ASIC2: variants seen among roughly 807,000 people sequenced by gnomAD.
ASIC2 encodes acid sensing ion channel subunit 2.
In ASIC2, 25 loss-of-function variants were observed where a neutral mutation model predicts 57.3. The observed-to-expected ratio is 0.44, with a 90% CI of 0.32 to 0.61. The LOEUF (loss-of-function observed/expected upper bound fraction) is 0.61, where lower values mean the gene tolerates loss of function less well. ASIC2 is among the 20% of genes least tolerant of loss of function. The pLI is 0.06. For synonymous variants in ASIC2, 319 were observed against 307.5 expected (o/e 1.04, Z -0.39); for missense variants, 641 against 738.1 (o/e 0.87, Z 1.52).
intron 1 of ASIC2, chr17:33,793,014 C>T (rs1006910248): frequency 6.6e-6 from 1 of 152,142 alleles, no homozygotes; most frequent in African/African-American, 2.4e-5. Flanking sequence ...TGTTTTAGTC[C>T]TACCTGTAGC....
At chr17:33,751,932 C>T (rs1382385757) in intron 1 of ASIC2, among the ~76,000 whole-genome samples, 2 of 22,422 alleles carry the variant, frequency 8.9e-5, no homozygotes, top group African/African-American at 2.0e-4. Flanking sequence ...CTTAGGGAAG[C>T]CGGGGGTGGG....
intron 1 of ASIC2, among the ~76,000 whole-genome samples, chr17:33,352,382 C>T (rs1027583988): frequency 1.3e-5 from 2 of 152,230 alleles, no homozygotes; most frequent in Admixed American, 1.3e-4. Context: ...CAGCCCATTA[C>T]CCCCCAAGGC....
intron 1 of ASIC2, among the ~76,000 whole-genome samples, chr17:33,276,833 TG>T (rs1418047194): frequency 6.6e-6 from 1 of 152,140 alleles, no homozygotes; most frequent in African/African-American, 2.4e-5. Context: ...CAGGACAAGG[TG>T]GGCTTTGAAC....
chr17:34,036,865 C>T (rs1353042417), intron 1 of ASIC2: 2 of 152,472 alleles, frequency 1.3e-5, no homozygotes, highest in African/African-American at 4.8e-5. Flanking sequence ...AAAACCCACA[C>T]ATCTCAGTAT....
At chr17:34,021,585 G>T (rs975305676) in intron 1 of ASIC2, among the ~76,000 whole-genome samples, 2 of 152,166 alleles carry the variant, frequency 1.3e-5, no homozygotes, top group South Asian at 2.1e-4. Flanking sequence ...GGAAACTCTT[G>T]TTCCCTTGAA....
chr17:33,146,978 T>C (rs1215138654), intron 1 of ASIC2, among the ~76,000 whole-genome samples: 1 of 152,254 alleles, frequency 6.6e-6, no homozygotes, highest in Non-Finnish European at 1.5e-5. Flanking sequence ...TATTTTTCAC[T>C]GCTGCTGTTT....
intron 1 of ASIC2, among the ~76,000 whole-genome samples, chr17:33,713,195 G>T (rs985832193): frequency 1.3e-5 from 2 of 152,202 alleles, no homozygotes; most frequent in Non-Finnish European, 1.5e-5. Flanking sequence ...TGAATACCAG[G>T]AGGCTGGTTT....
At chr17:33,491,815 C>T (rs1392688278) in intron 1 of ASIC2, among the ~76,000 whole-genome samples, 2 of 152,174 alleles carry the variant, frequency 1.3e-5, no homozygotes, top group Admixed American at 6.5e-5. Flanking sequence ...CAGCCTGCTG[C>T]GCTTAAGAGG....
intron 1 of ASIC2, among the ~76,000 whole-genome samples, chr17:33,260,981 CT>C (rs766659982): frequency 1.6e-4 from 24 of 152,230 alleles, no homozygotes; most frequent in Non-Finnish European, 2.8e-4. Flanking sequence ...AACAAACATT[CT>C]GATTTCATTC....
chr17:33,108,080 C>T (rs558189580), intron 2 of ASIC2, among the ~76,000 whole-genome samples: 1 of 152,322 alleles, frequency 6.6e-6, no homozygotes, highest in East Asian at 1.9e-4. Context: ...AGCCCTTCAG[C>T]CCTCCTGTAA....
At chr17:34,062,370 A>T (rs543743344) in intron 1 of ASIC2, among the ~76,000 whole-genome samples, 180 of 152,272 alleles carry the variant, frequency 1.2e-3, no homozygotes, top group African/African-American at 4.3e-3. Context: ...GGATGCAGCA[A>T]AAGTGGCGTT....
chr17:33,450,562 A>T (rs1027913015), intron 1 of ASIC2, among the ~76,000 whole-genome samples: 2 of 152,148 alleles, frequency 1.3e-5, no homozygotes, highest in Non-Finnish European at 2.9e-5. Flanking sequence ...AATTCTGGAG[A>T]TGGATGGTGG....
intron 1 of ASIC2, among the ~76,000 whole-genome samples, chr17:33,310,107 C>T (rs1906349103): frequency 6.6e-6 from 1 of 151,544 alleles, no homozygotes; most frequent in African/African-American, 2.4e-5. Flanking sequence ...TTATTTGATG[C>T]TTGTTCATTG....
intron 1 of ASIC2, among the ~76,000 whole-genome samples, chr17:33,893,340 T>A (rs1390280451): frequency 1.3e-5 from 2 of 152,220 alleles, no homozygotes; most frequent in African/African-American, 4.8e-5. Context: ...CTTTGGGCCC[T>A]GAGCCTGGAG....
chr17:33,715,522 C>T (rs1186634095), intron 1 of ASIC2, among the ~76,000 whole-genome samples: 1 of 152,080 alleles, frequency 6.6e-6, no homozygotes, highest in Non-Finnish European at 1.5e-5. Flanking sequence ...GTTGTAGAAT[C>T]CCCCAGATAT....
At chr17:33,559,125 C>T (rs1279311320) in intron 1 of ASIC2, among the ~76,000 whole-genome samples, 4 of 152,088 alleles carry the variant, frequency 2.6e-5, no homozygotes, top group Non-Finnish European at 1.5e-5. Context: ...GTTAACAAGG[C>T]CTCTACACTC....
chr17:33,403,944 T>A (rs1282910062), intron 1 of ASIC2, among the ~76,000 whole-genome samples: 2 of 152,184 alleles, frequency 1.3e-5, no homozygotes, highest in Non-Finnish European at 2.9e-5. Context: ...GAGAGACCCA[T>A]GGACTTGTTA....
At chr17:33,232,039 A>T (rs115294682) in intron 1 of ASIC2, among the ~76,000 whole-genome samples, 54 of 152,310 alleles carry the variant, frequency 3.5e-4, no homozygotes, top group African/African-American at 1.3e-3. Context: ...GAACCTTGGG[A>T]TGAACTGAAT....
chr17:33,977,449 T>C (rs1905435054), intron 1 of ASIC2, among the ~76,000 whole-genome samples: 1 of 152,152 alleles, frequency 6.6e-6, no homozygotes, highest in Non-Finnish European at 1.5e-5. Context: ...GAGGAAAAAA[T>C]GATTTCAAGT....
Sources: allele counts gnomAD v4.1 joint callset (sites outside exome capture counted in the v4.1 genomes callset), GRCh38; gene constraint gnomAD v4.1.1; transcripts MANE v1.5; gene names NCBI Gene and HGNC (gene_info 2026-07-23, HGNC 2026-07-21).